The following PML variants were observed in gnomAD, a reference collection of about 807,000 sequenced individuals.
PML encodes the protein protein PML.
Under a neutral mutation model 65.2 loss-of-function variants are expected in PML, and 28 were observed. The ratio of observed to expected loss-of-function variants is 0.43; its 90% confidence interval spans 0.32 to 0.59. PML has a LOEUF of 0.59. PML is among the 20% of genes least tolerant of loss of function. The pLI is 0.08. For synonymous variants in PML, 500 were observed against 508.8 expected (o/e 0.98, Z 0.23); for missense variants, 1,021 against 1,203.4 (o/e 0.85, Z 2.24).
intron 6 of PML, 75 bp downstream of exon 6, chr15:74,033,489 G>A (rs927974380): frequency 6.4e-7 from 1 of 1,552,572 alleles, no homozygotes; most frequent in South Asian, 1.1e-5. Context: ...CTGTATTTTG[G>A]CCCCATCCAG....
intron 2 of PML, among the ~76,000 whole-genome samples, chr15:74,002,444 CTTTTTTTT>C (rs71137368): frequency 9.5e-6 from 1 of 104,762 alleles, no homozygotes. Context: ...TCTTTCTTTT[CTTTTTTTT>C]TTTTTTTTTT....
At chr15:74,032,803 C>T in intron 5 of PML, 88 bp downstream of exon 5, 3 of 1,343,204 alleles carry the variant, frequency 2.2e-6, no homozygotes, top group Non-Finnish European at 3.2e-6. Context: ...GAATCCAGGC[C>T]TTCATCAGAT....
At chr15:74,033,843 C>T (rs2071426895) in intron 6 of PML, 3 of 504,926 alleles carry the variant, frequency 5.9e-6, no homozygotes, top group South Asian at 7.0e-5. Flanking sequence ...GCAAAGGCCA[C>T]CTACCTAAGT....
chr15:74,046,131 G>A lies in PML; in HGVS notation c.*1123G>A, dbSNP rs889913652. The A allele has an allele frequency of 6.0e-4, 140 of 232,954 alleles. 1 individual carries two copies. The East Asian group carries it at 6.4e-3, about 11-fold the overall frequency. 14.4% of individuals were successfully genotyped at this position (232,954 alleles called of 1,614,324 possible). A position where few individuals can be genotyped will look rare whatever the true frequency, so the allele number is the denominator to read the frequency against. ...GCTGATTGGCCTCCACGGTCAGAGC[G>A]GCCATCTGGCTGTGCCATCCTGCAT... On this transcript the variant is annotated 3_prime_UTR_variant, in exon 9 of 9. Transcript: ENST00000268058.
chr15:73,996,102 C>G (rs1005176056), intron 1 of PML, among the ~76,000 whole-genome samples: 2 of 152,302 alleles, frequency 1.3e-5, no homozygotes, highest in Non-Finnish European at 2.9e-5. Flanking sequence ...GGATAAGTTC[C>G]TATGTTAACC....
chr15:74,022,860 G>A lies in PML; in HGVS notation c.635G>A (p.Cys212Tyr). ...TGCCGAGGATGTTCCAAGCCGCTGT[G>A]CTGCTCGTGCGCGCTCCTTGACAGC... is the stretch of plus-strand genomic sequence containing the variant. ...IYCRGCSKPL[C>Y]CSCALLDSSH... The change falls in exon 3 of 9, where the codon TGC (cysteine) becomes TAC (tyrosine). Residue 212 changes from cysteine (C) to tyrosine (Y), a missense_variant. Physicochemically the swap from Cys to Tyr is radical, Grantham distance 194. Coordinates refer to ENST00000268058, the MANE Select transcript of PML (RefSeq NM_033238.3). 6.2e-7 allele frequency: 1 copy of A among 1,613,912 alleles called. No individual in the cohort carries two copies. The highest frequency in any genetic ancestry group is 8.5e-7 in the Non-Finnish European group (1 of 1,179,982).
intron 4 of PML, among the ~76,000 whole-genome samples, chr15:74,030,799 C>CT (rs952062340): frequency 2.6e-5 from 4 of 151,132 alleles, no homozygotes; most frequent in African/African-American, 4.9e-5. Flanking sequence ...ACGGTACCTA[C>CT]TTTTTTTTTA....
chr15:74,005,114 A>C (rs886737279), intron 2 of PML, among the ~76,000 whole-genome samples: 2 of 152,020 alleles, frequency 1.3e-5, no homozygotes, highest in African/African-American at 4.8e-5. Flanking sequence ...GTGCAATGGC[A>C]CGATCTCGGC....
intron 2 of PML, among the ~76,000 whole-genome samples, 183 bp downstream of exon 2, chr15:73,998,659 C>T (rs537792968): frequency 2.0e-5 from 3 of 152,210 alleles, no homozygotes; most frequent in African/African-American, 4.8e-5. Context: ...CCAGTCCCCA[C>T]GCAGGTGGAT....
chr15:74,015,997 G>A (rs575757297), intron 2 of PML, among the ~76,000 whole-genome samples: 99 of 152,298 alleles, frequency 6.5e-4, no homozygotes, highest in South Asian at 4.6e-3. Flanking sequence ...TACACTACTC[G>A]GCCAGGCGAG....
Position 74,035,305 on chromosome 15 carries a change from G to T in PML, c.1710+775G>T. On this transcript the variant is annotated intron_variant, in intron 7 of 8. Transcript: ENST00000268058. This position sits in a 1 kb window ranked among gnomAD's most constrained non-coding sequence, Gnocchi z 4.1. Reference sequence around the variant, plus strand: ...CAAGGAGCCTCCAGCCTGCCCTGTGGCACATACCACCCCCCAGCTTGGCCT... The same window carrying T: ...CAAGGAGCCTCCAGCCTGCCCTGTGTCACATACCACCCCCCAGCTTGGCCT... The T allele has an allele frequency of 6.2e-7, 1 of 1,612,918 alleles. No homozygotes were observed. The highest frequency in any genetic ancestry group is 8.5e-7 in the Non-Finnish European group (1 of 1,179,936).
chr15:73,999,834 A>ATTT (rs368015472), intron 2 of PML, among the ~76,000 whole-genome samples: 4 of 135,782 alleles, frequency 2.9e-5, no homozygotes, highest in Non-Finnish European at 4.8e-5. Flanking sequence ...ATTTTTTTTA[A>ATTT]TTTTTTTTTT....
chr15:74,044,286 G>A lies in PML; in HGVS notation c.1927G>A (p.Glu643Lys), dbSNP rs781620616. ...CAAGTTCCGCGTGGTCATCCAGCCT[G>A]AAGCCTTCTTCAGCATCTACTCCAA... The part of the protein sequence containing the change: ...ESKFRVVIQP[E>K]AFFSIYSKAV... The change falls in exon 9 of 9, where the codon GAA becomes AAA. Residue 643 changes from glutamate to lysine, a missense_variant. Physicochemically the swap from Glu to Lys is moderately conservative, Grantham distance 56. Coordinates refer to ENST00000268058, the MANE Select transcript of PML (RefSeq NM_033238.3). 1.2e-6 allele frequency: 2 copies of A among 1,614,152 alleles called. No individual in the cohort carries two copies. The highest frequency in any genetic ancestry group is 1.7e-5 in the Admixed American group (1 of 60,038).
Position 74,046,879 on chromosome 15 carries a change from T to C in PML, c.*1871T>C. On this transcript the variant is annotated 3_prime_UTR_variant, in exon 9 of 9. Transcript: ENST00000268058. ...TCCCAGGCATAGGCTTGTGGCCACT[T>C]GCCCAGCACAACTGTGTTTTGTGGG... The C allele has an allele frequency of 4.3e-6, 1 of 230,618 alleles. No homozygotes were observed. Among genetic ancestry groups the C allele is most frequent in the Non-Finnish European group, 8.6e-6 (1 of 116,346 alleles). The allele number at this position is 230,618 out of a possible 1,614,324, so 14.3% of individuals were successfully genotyped here.
rs1281906954 is a variant in PML at position 74,035,286 on chromosome 15, G to T, written c.1710+756G>T. 6.2e-7 allele frequency: 1 copy of T among 1,613,138 alleles called. No individual in the cohort carries two copies. Among genetic ancestry groups the T allele is most frequent in the East Asian group, 2.2e-5 (1 of 44,830 alleles). ...CCAGTCTCTGCTGAGAGCACAAGGA[G>T]CCTCCAGCCTGCCCTGTGGCACATA... On this transcript the variant is annotated intron_variant, in intron 7 of 8. Coordinates refer to ENST00000268058, the MANE Select transcript of PML (RefSeq NM_033238.3). This position sits in a 1 kb window ranked among gnomAD's most constrained non-coding sequence, Gnocchi z 4.1.
intron 4 of PML, chr15:74,028,003 C>T (rs1328933973): frequency 1.3e-5 from 2 of 152,190 alleles, no homozygotes; most frequent in African/African-American, 4.8e-5. Flanking sequence ...AGCACTCATC[C>T]CTCTTGAAAC....
In PML at chr15:74,037,436, C is replaced by T; in HGVS notation, c.1710+2906C>T. On this transcript the variant is annotated intron_variant, in intron 7 of 8. Transcript: ENST00000268058. The surrounding 1 kb of genome is among the most constrained non-coding windows in gnomAD (Gnocchi z 4.2). ...CTCCTCCTCCTCATCTCTCTTGCAT[C>T]TTCTAATGTATCCACTGCCTTCTGA... 1.0e-6 allele frequency: 1 copy of T among 985,374 alleles called. No homozygotes were observed. Among genetic ancestry groups the T allele is most frequent in the Non-Finnish European group, 1.2e-6 (1 of 829,906 alleles). 61.0% of individuals were successfully genotyped at this position (985,374 alleles called of 1,614,324 possible).
chr15:74,001,587 C>A (rs1027345028), intron 2 of PML, among the ~76,000 whole-genome samples: 8 of 152,104 alleles, frequency 5.3e-5, no homozygotes, highest in African/African-American at 1.9e-4. Context: ...GTGATCCACC[C>A]GCCTCAGTCT....
chr15:74,013,750 G>T (rs2070436687), intron 2 of PML, among the ~76,000 whole-genome samples: 1 of 151,990 alleles, frequency 6.6e-6, no homozygotes. Context: ...ATTATTTTAG[G>T]TATTTCCATC....
Sources: gnomAD v4.1 joint callset for allele counts (sites outside exome capture counted in the v4.1 genomes callset) on GRCh38, gnomAD v4.1.1 for gene constraint, Gnocchi (gnomAD v3.1) non-coding constraint, MANE v1.5 for transcripts, NCBI Gene and HGNC (gene_info 2026-07-23, HGNC 2026-07-21) for gene names.